Variants in ANK1 observed in about 807,000 individuals in gnomAD.
ANK1 encodes ankyrin-1.
Under a neutral mutation model 210.4 loss-of-function variants are expected in ANK1, and 51 were observed. The ratio of observed to expected loss-of-function variants is 0.24; its 90% CI spans 0.19 to 0.31. The LOEUF is 0.31. Ranked by LOEUF, ANK1 falls within the 10% of genes least tolerant of loss-of-function variation. The pLI is 1.00. For synonymous variants in ANK1, 967 were observed against 1,025.9 expected, an observed-to-expected ratio of 0.94 and a Z score of 1.10; for missense variants, 2,051 against 2,504.4, an observed-to-expected ratio of 0.82 and a Z score of 3.86.
chr8:41,840,018 A>C (rs1228131860), intron 1 of ANK1: 1 of 151,988 alleles, frequency 6.6e-6, no homozygotes, highest in African/African-American at 2.4e-5. Flanking sequence ...TATAGATTTA[A>C]ACTTGTTTTT....
At chr8:41,863,757 A>G (rs891954503) in intron 1 of ANK1, among the ~76,000 whole-genome samples, 3 of 152,186 alleles carry the variant, frequency 2.0e-5, no homozygotes, top group Non-Finnish European at 4.4e-5. Context: ...ATGTCATACA[A>G]GTTGAAAGAG....
Position 41,723,568 on chromosome 8 carries a change from C to T in ANK1, c.777G>A (p.Leu259=), listed in dbSNP as rs147794971. The T allele has an allele frequency of 6.2e-7, 1 of 1,614,028 alleles. No homozygotes were observed. The highest frequency in any genetic ancestry group is 8.5e-7 in the Non-Finnish European group (1 of 1,179,984). ...RGNVIMVRLL[L]DRGAQIETKT... ...TGGTTTCTATCTGGGCTCCCCGATC[C>T]AGCAGCAGCCGCACCATGATCACGT... Residue 259 remains leucine, a synonymous_variant, in exon 8 of 43, where the codon CTG becomes CTA. Coordinates refer to ENST00000289734, the MANE Select transcript of ANK1 (RefSeq NM_000037.4).
At chr8:41,723,819 T>G (rs1829984294) in intron 7 of ANK1, among the ~76,000 whole-genome samples, 186 bp from the exon 8 acceptor site, 2 of 149,874 alleles carry the variant, frequency 1.3e-5, no homozygotes, top group African/African-American at 4.9e-5. Flanking sequence ...AGACGGAGTC[T>G]CGCTCTGTCG....
intron 1 of ANK1, among the ~76,000 whole-genome samples, chr8:41,814,045 AAAT>A (rs1802900735): frequency 6.6e-6 from 1 of 152,228 alleles, no homozygotes; most frequent in African/African-American, 2.4e-5. Context: ...ACACTTATGC[AAAT>A]AACTATACTG....
chr8:41,703,298 G>T (rs1336720683), intron 20 of ANK1, among the ~76,000 whole-genome samples: 2 of 151,376 alleles, frequency 1.3e-5, no homozygotes, highest in African/African-American at 4.9e-5. Flanking sequence ...ATTATGTTCA[G>T]TTGTACCATA....
At chr8:41,844,152 C>T (rs542813451) in intron 1 of ANK1, among the ~76,000 whole-genome samples, 10 of 152,296 alleles carry the variant, frequency 6.6e-5, no homozygotes, top group East Asian at 1.9e-4. Flanking sequence ...GGATTACAAG[C>T]GTGAGCCACT....
At chr8:41,857,781 G>T (rs1812486630) in intron 1 of ANK1, among the ~76,000 whole-genome samples, 1 of 151,738 alleles carries the variant, frequency 6.6e-6, no homozygotes, top group Admixed American at 6.6e-5. Context: ...GCGCATGCCT[G>T]TAATCCCAGC....
chr8:41,683,132 A>G (rs139454372), intron 37 of ANK1, among the ~76,000 whole-genome samples: 27 of 152,322 alleles, frequency 1.8e-4, no homozygotes, highest in South Asian at 4.1e-4. Context: ...ACACACAAGT[A>G]CACCCAGGAC....
intron 1 of ANK1, chr8:41,789,237 A>G (rs952939766): frequency 6.6e-6 from 1 of 152,252 alleles, no homozygotes; most frequent in Non-Finnish European, 1.5e-5. Context: ...AAAGGTAGGA[A>G]GATCTTCTTT....
intron 1 of ANK1, among the ~76,000 whole-genome samples, chr8:41,878,995 T>C (rs1175590202): frequency 1.3e-5 from 2 of 151,668 alleles, no homozygotes; most frequent in Non-Finnish European, 2.9e-5. Context: ...ACCTGGGAGG[T>C]GGAAGTTGCA....
Position 41,723,639 on chromosome 8 carries a change from G to A in ANK1, c.712-6C>T. ...TGCAGTGGCGTGATGCCGTTCTGAA[G>A]GGAGGAAGCAGGACGGTCAGGGCGC... On this transcript the variant is annotated splice_region_variant and splice_polypyrimidine_tract_variant and intron_variant, in intron 7 of 42. Transcript: ENST00000289734. The A allele has an allele frequency of 6.2e-7, 1 of 1,612,120 alleles. No individual in the cohort carries two copies. The highest frequency in any genetic ancestry group is 8.5e-7 in the Non-Finnish European group (1 of 1,179,874).
chr8:41,754,890 T>A (rs1360622712), intron 2 of ANK1, among the ~76,000 whole-genome samples: 2 of 152,228 alleles, frequency 1.3e-5, no homozygotes, highest in African/African-American at 4.8e-5. Context: ...CACCTGCAGC[T>A]ACCTGTTCTG....
intron 1 of ANK1, among the ~76,000 whole-genome samples, chr8:41,778,553 C>T (rs13255458): frequency 0.26 from 39,783 of 152,130 alleles, 5,586 homozygotes; most frequent in Non-Finnish European, 0.31. Flanking sequence ...ACACAGGCTT[C>T]CTGACCTCCT....
At chr8:41,777,158 G>T (rs1210455368) in intron 1 of ANK1, among the ~76,000 whole-genome samples, 3 of 152,162 alleles carry the variant, frequency 2.0e-5, no homozygotes, top group Admixed American at 2.0e-4. Flanking sequence ...TTGCTTATCT[G>T]CAGAAAACTC....
chr8:41,694,680 C>A lies in ANK1; in HGVS notation c.3239G>T (p.Gly1080Val), dbSNP rs780413628. 2 of 1,614,140 alleles carry A rather than the reference C, an allele frequency of 1.2e-6. No homozygotes were observed. The highest frequency in any genetic ancestry group is 1.7e-6 in the Non-Finnish European group (2 of 1,180,010). ...CACCAGCTTGCTCTTCAGGGAGCCC[C>A]CTTCGGGACCGATGGTGTCGTAGTC... is the stretch of plus-strand genomic sequence containing the variant. Reference protein sequence around the residue: ...CQDYDTIGPEGGSLKSKLVPL... With the variant: ...CQDYDTIGPEVGSLKSKLVPL... The change falls in exon 28 of 43, where the codon GGG becomes GTG. Residue 1080 changes from glycine to valine, a missense_variant. Coordinates refer to ENST00000289734, the MANE Select transcript of ANK1 (RefSeq NM_000037.4). The surrounding 1 kb of genome is among the most constrained non-coding windows in gnomAD (Gnocchi z 5.7).
At chr8:41,769,181 A>T (rs1384164551) in intron 1 of ANK1, among the ~76,000 whole-genome samples, 2 of 152,204 alleles carry the variant, frequency 1.3e-5, no homozygotes, top group African/African-American at 4.8e-5. Context: ...TGGTATTTGA[A>T]GATGACAATG....
rs751121091 is a variant in ANK1, at chr8:41,672,389, G to C, written c.5061C>G (p.Pro1687=). 2.5e-5 allele frequency: 40 copies of C among 1,614,064 alleles called. No homozygotes were observed. The highest frequency in any genetic ancestry group is 3.4e-5 in the Non-Finnish European group (40 of 1,180,048). ...QRGQARITHS[P]TVSQVTERSQ... ...TCCTCTCCGTCACCTGACTCACGGT[G>C]GGGGAATGTGTGATTCGGGCTTGCC... is the stretch of plus-strand genomic sequence containing the variant. Residue 1687 remains proline, a synonymous_variant, in exon 38 of 43, where the codon CCC becomes CCG. Coordinates refer to ENST00000289734, the MANE Select transcript of ANK1 (RefSeq NM_000037.4).
In ANK1 at chr8:41,661,307, CACA is replaced by C. The variant is rs1274369322; in HGVS notation, c.*36+120_*36+122del. The C allele has an allele frequency of 4.2e-5, 60 of 1,420,380 alleles. No individual in the cohort carries two copies. The Admixed American group carries it at 5.1e-4, about 12-fold the overall frequency. The allele number at this position is 1,420,380 out of a possible 1,614,324, so 88.0% of individuals were successfully genotyped here. ...GGAAGTGAGAATCTCTGCCTCGAGA[CACA>C]ACAACAAGTTGTTTGTCCCACATCA... On this transcript the variant is annotated intron_variant, in intron 42 of 42. Coordinates refer to ENST00000289734, the MANE Select transcript of ANK1 (RefSeq NM_000037.4).
intron 1 of ANK1, among the ~76,000 whole-genome samples, chr8:41,892,713 C>T (rs561053350): frequency 6.6e-6 from 1 of 152,282 alleles, no homozygotes; most frequent in South Asian, 2.1e-4. Flanking sequence ...GACAGTCAGT[C>T]AAAGGGTGTA....
Sources: gnomAD v4.1 joint callset for allele counts (sites outside exome capture counted in the v4.1 genomes callset) on GRCh38, gnomAD v4.1.1 for gene constraint, Gnocchi (gnomAD v3.1) non-coding constraint, MANE v1.5 for transcripts, NCBI Gene and HGNC (gene_info 2026-07-23, HGNC 2026-07-21) for gene names.